The following GSE1 variants were observed in gnomAD, a reference collection of about 807,000 sequenced individuals.
GSE1 encodes the protein genetic suppressor element 1.
GSE1 carries 32 observed loss-of-function variants against 112.6 expected under a neutral mutation model. The observed-to-expected ratio is 0.28, with a 90% CI of 0.21 to 0.38. GSE1 has a LOEUF of 0.38. GSE1 is among the 10% of genes least tolerant of loss of function. The pLI, the probability that GSE1 is intolerant of heterozygous loss-of-function variation, is 1.00. For missense variants in GSE1, 2,348 were observed against 1,699.2 expected, an observed-to-expected ratio of 1.38 and a Z score of -6.71; for synonymous variants, 1,115 against 735.6, an observed-to-expected ratio of 1.52 and a Z score of -8.35.
At chr16:85,494,590 G>A (rs1010016427) in intron 2 of GSE1, among the ~76,000 whole-genome samples, 1 of 151,932 alleles carries the variant, frequency 6.6e-6, no homozygotes, top group Non-Finnish European at 1.5e-5. Flanking sequence ...TTTTTGTAGA[G>A]AGAGGGTTTT....
intron 1 of GSE1, among the ~76,000 whole-genome samples, chr16:85,327,224 A>G (rs1017303954): frequency 6.6e-6 from 1 of 151,418 alleles, no homozygotes; most frequent in Admixed American, 6.6e-5. Context: ...GCCACAAGGC[A>G]CCCGCCACTT....
At chr16:85,636,618 A>G (rs2050019658) in intron 2 of GSE1, among the ~76,000 whole-genome samples, 2 of 152,178 alleles carry the variant, frequency 1.3e-5, no homozygotes, top group Non-Finnish European at 2.9e-5. Context: ...AAGTTCAGAG[A>G]GGACAAGTCG....
At chr16:85,655,538 G>A (rs1469899965) in intron 5 of GSE1, among the ~76,000 whole-genome samples, 188 bp from the exon 6 acceptor site, 4 of 152,176 alleles carry the variant, frequency 2.6e-5, no homozygotes, top group Non-Finnish European at 5.9e-5. Flanking sequence ...CCAAGCTGTC[G>A]GCACCTAGCA....
chr16:85,527,299 G>A (rs1483515640), intron 2 of GSE1, among the ~76,000 whole-genome samples: 2 of 152,270 alleles, frequency 1.3e-5, no homozygotes, highest in African/African-American at 2.4e-5. Flanking sequence ...CATGTGAGGC[G>A]GGTGATTGAT....
chr16:85,331,383 G>GTATATATATATGTA (rs1289238593), intron 1 of GSE1, among the ~76,000 whole-genome samples: 1 of 115,760 alleles, frequency 8.6e-6, no homozygotes, highest in African/African-American at 2.9e-5. Flanking sequence ...GTATATATAT[G>GTATATATATATGTA]TATATATATG....
At chr16:85,437,941 A>T (rs1482372046) in intron 2 of GSE1, among the ~76,000 whole-genome samples, 1 of 152,170 alleles carries the variant, frequency 6.6e-6, no homozygotes, top group Non-Finnish European at 1.5e-5. Flanking sequence ...ATAGGGTTGC[A>T]TGGGGATTAA....
intron 2 of GSE1, among the ~76,000 whole-genome samples, chr16:85,420,132 A>G (rs2048800435): frequency 6.6e-6 from 1 of 152,048 alleles, no homozygotes. Flanking sequence ...CATGCCTATA[A>G]TCCCAGTGCT....
chr16:85,566,814 G>C (rs2045768804), intron 1 of GSE1, among the ~76,000 whole-genome samples: 1 of 152,212 alleles, frequency 6.6e-6, no homozygotes, highest in South Asian at 2.1e-4. Context: ...ACAAGAGAAA[G>C]GGGGGCCGGC....
At chr16:85,666,452 T>C in intron 13 of GSE1, 105 bp downstream of exon 13, 1 of 1,035,578 alleles carries the variant, frequency 9.7e-7, no homozygotes, top group Admixed American at 2.2e-5. Context: ...GCACAAGTTT[T>C]TATAAACTCC....
intron 1 of GSE1, chr16:85,278,740 A>G (rs1307058167): frequency 6.5e-6 from 1 of 152,920 alleles, no homozygotes; most frequent in African/African-American, 2.4e-5. Flanking sequence ...TCACATATTC[A>G]TGTTTCATAG....
rs540141319 is a variant in GSE1, at chr16:85,394,148, G to A, written c.2464+36505G>A. On this transcript the variant is annotated intron_variant, in intron 2 of 2. Transcript: ENST00000637419. ...GTCGGGGACCGGGGAAGGCTCAGCC[G>A]TGACTGCTGACGAAAAACACAAACA... 3.9e-5 allele frequency among the ~76,000 whole-genome samples: 6 copies of A among 152,042 alleles called. No homozygotes were observed. The East Asian group carries it at 5.8e-4, about 15-fold the overall frequency.
chr16:85,611,035 C>G (rs2047948374), upstream of GSE1, among the ~76,000 whole-genome samples: 1 of 152,228 alleles, frequency 6.6e-6, no homozygotes, highest in South Asian at 2.1e-4. Context: ...GCCCAAGGGC[C>G]TCTCCAAGGA....
chr16:85,483,411 C>T (rs565090578), intron 2 of GSE1, among the ~76,000 whole-genome samples: 3 of 152,402 alleles, frequency 2.0e-5, no homozygotes, highest in Admixed American at 1.3e-4. Context: ...CTCTGTGCCT[C>T]AGTTTCCCCA....
Position 85,181,112 on chromosome 16 carries a change from C to T in GSE1, c.2283+9305C>T, listed in dbSNP as rs150378607. 7.9e-5 allele frequency among the ~76,000 whole-genome samples: 12 copies of T among 152,334 alleles called. No homozygotes were observed. The East Asian group carries it at 1.2e-3, about 15-fold the overall frequency. On this transcript the variant is annotated intron_variant, in intron 1 of 2. Transcript: ENST00000637419. ...TGTGTCTGGTGTCAGCCCCAGCTTC[C>T]GCAGCTGCCCACAGGGTCCGCTGGC...
In GSE1 at chr16:85,373,626, G is replaced by A. The variant is rs186948106; in HGVS notation, c.2464+15983G>A. On this transcript the variant is annotated intron_variant, in intron 2 of 2. Transcript: ENST00000637419. This position sits in a 1 kb window ranked among gnomAD's most constrained non-coding sequence, Gnocchi z 5.1. ...CAGCCTGGAGTGAGTGTCTGGGAGG[G>A]CCACAGGTATGCTGGCCACGGCCTG... 9.6e-3 allele frequency among the ~76,000 whole-genome samples: 1,464 copies of A among 152,260 alleles called. 7 individuals carry two copies. Among genetic ancestry groups the A allele is most frequent in the Non-Finnish European group, 0.012 (809 of 68,004 alleles).
chr16:85,218,506 C>T (rs898559266), intron 1 of GSE1, among the ~76,000 whole-genome samples: 8 of 152,216 alleles, frequency 5.3e-5, no homozygotes, highest in Admixed American at 2.0e-4. Context: ...CGAGACGTGC[C>T]GCTCGTAGTG....
intron 1 of GSE1, among the ~76,000 whole-genome samples, chr16:85,259,396 A>C (rs925897887): frequency 6.6e-6 from 1 of 151,884 alleles, no homozygotes; most frequent in African/African-American, 2.4e-5. Context: ...GCACCTGAAG[A>C]CTTGTTTTTT....
At position 85,390,958 on chromosome 16, in the gene GSE1, G is replaced by C. The variant is rs550716167; in HGVS notation, c.2464+33315G>C. On this transcript the variant is annotated intron_variant, in intron 2 of 2. Transcript: ENST00000637419. ...GAGGGGCCGGGCAACGCGGGGAACTGATAGCGGTCCACTTTATTGCAGTGC... is the reference window on the plus strand; with the variant it reads ...GAGGGGCCGGGCAACGCGGGGAACTCATAGCGGTCCACTTTATTGCAGTGC... 2.0e-4 allele frequency among the ~76,000 whole-genome samples: 30 copies of C among 152,356 alleles called. No homozygotes were observed. The South Asian group carries it at 6.0e-3, about 30-fold the overall frequency.
At chr16:85,457,457 G>A (rs371203951) in intron 2 of GSE1, among the ~76,000 whole-genome samples, 12 of 152,322 alleles carry the variant, frequency 7.9e-5, no homozygotes, top group African/African-American at 2.6e-4. Flanking sequence ...GATCATCCTG[G>A]GTTTCTCTGT....
Sources: gnomAD v4.1 joint callset for allele counts (sites outside exome capture counted in the v4.1 genomes callset) on GRCh38, gnomAD v4.1.1 for gene constraint, Gnocchi (gnomAD v3.1) non-coding constraint, MANE v1.5 for transcripts, NCBI Gene and HGNC (gene_info 2026-07-23, HGNC 2026-07-21) for gene names.